The following NEGR1 variants were observed in gnomAD, a reference collection of about 807,000 sequenced individuals.
The protein encoded by NEGR1 is IgLON family member 4.
A neutral mutation model predicts 40.9 loss-of-function variants in NEGR1; 10 were observed. The ratio of observed to expected loss-of-function variants is 0.24; its 90% confidence interval spans 0.15 to 0.42. NEGR1 has a LOEUF of 0.42. NEGR1 is among the 10% of genes least tolerant of loss of function. NEGR1 has a pLI of 1.00. For synonymous variants in NEGR1, 185 were observed against 166.8 expected (o/e 1.11, Z -0.84); for missense variants, 352 against 438.9 (o/e 0.80, Z 1.77).
chr1:71,628,683 T>A (rs1357205437), intron 4 of NEGR1, among the ~76,000 whole-genome samples: 1 of 151,900 alleles, frequency 6.6e-6, no homozygotes, highest in Non-Finnish European at 1.5e-5. Flanking sequence ...TCTGTTCCTG[T>A]ATTAGTTTGC....
At chr1:71,652,843 G>A (rs986073123) in intron 4 of NEGR1, among the ~76,000 whole-genome samples, 9 of 152,032 alleles carry the variant, frequency 5.9e-5, no homozygotes, top group Admixed American at 5.9e-4. Context: ...CAGGCTGGGT[G>A]AGAGAGTGAG....
chr1:72,216,402 C>CATATATATATATACACATATAT (rs1653818642), intron 1 of NEGR1, among the ~76,000 whole-genome samples: 1 of 119,542 alleles, frequency 8.4e-6, no homozygotes, highest in African/African-American at 3.2e-5. Context: ...TATATATATA[C>CATATATATATATACACATATAT]ATATATATAT....
chr1:71,909,841 C>T (rs1353525476), intron 2 of NEGR1, among the ~76,000 whole-genome samples: 1 of 152,048 alleles, frequency 6.6e-6, no homozygotes, highest in African/African-American at 2.4e-5. Flanking sequence ...TTATTAACCA[C>T]AAAAGATAGC....
chr1:71,913,855 G>GAAAAAAAAA, intron 2 of NEGR1, among the ~76,000 whole-genome samples: 1 of 128,588 alleles, frequency 7.8e-6, no homozygotes. Context: ...TGAAGGAAAG[G>GAAAAAAAAA]AAAAAAAAAA....
chr1:71,554,564 C>T (rs1648191543), intron 6 of NEGR1, among the ~76,000 whole-genome samples: 1 of 151,350 alleles, frequency 6.6e-6, no homozygotes, highest in South Asian at 2.1e-4. Flanking sequence ...TGGGATTTCT[C>T]ACCCTCCTGC....
intron 6 of NEGR1, among the ~76,000 whole-genome samples, chr1:71,558,782 C>T (rs1648339556): frequency 6.9e-6 from 1 of 145,804 alleles, no homozygotes; most frequent in Admixed American, 6.9e-5. Context: ...GCTCTAGGCT[C>T]ATCTCGAAGT....
chr1:72,050,075 G>T (rs1267585953), intron 1 of NEGR1, among the ~76,000 whole-genome samples: 1 of 151,560 alleles, frequency 6.6e-6, no homozygotes, highest in Middle Eastern at 3.4e-3. Flanking sequence ...GTTTGATTCT[G>T]TTAAAGTCCA....
chr1:71,992,112 T>G lies in NEGR1; in HGVS notation c.177-56801A>C, dbSNP rs187398070. Among the ~76,000 whole-genome samples the G allele has an allele frequency of 4.3e-3, 649 of 152,186 alleles. 15 individuals carry two copies. Among genetic ancestry groups the G allele is most frequent in the Admixed American group, 0.036 (550 of 15,270 alleles). ...GCCCGGGCATGAGTTTACTATTAAA[T>G]ATATAACATCATAGTCTACTACCAA... On this transcript the variant is annotated intron_variant, in intron 1 of 6. Coordinates refer to ENST00000357731, the MANE Select transcript of NEGR1 (RefSeq NM_173808.3).
chr1:71,525,785 GTC>G (rs1376126178), intron 6 of NEGR1, among the ~76,000 whole-genome samples: 2 of 151,586 alleles, frequency 1.3e-5, no homozygotes, highest in Non-Finnish European at 3.0e-5. Context: ...ACATTTATAA[GTC>G]TGTTTTATGT....
intron 6 of NEGR1, among the ~76,000 whole-genome samples, chr1:71,581,910 C>T (rs980508510): frequency 2.0e-5 from 3 of 151,824 alleles, no homozygotes; most frequent in African/African-American, 7.3e-5. Flanking sequence ...TGCCATGTTG[C>T]CCAAGCTGGT....
In NEGR1 at chr1:72,282,335, C is replaced by T. The variant is rs1274338040; in HGVS notation, c.160G>A (p.Asp54Asn). The T allele has an allele frequency of 1.9e-6, 3 of 1,614,082 alleles. No homozygotes were observed. The highest frequency in any genetic ancestry group is 2.5e-6 in the Non-Finnish European group (3 of 1,179,994). ...TCTTCCTACCTAAGCACCGCCGTGTCCCCTTTTCTGACCATCATGTTGTCC... is the reference window on the plus strand; with the variant it reads ...TCTTCCTACCTAAGCACCGCCGTGTTCCCTTTTCTGACCATCATGTTGTCC... ...AVDNMMVRKG[D>N]TAVLRCYLED... Residue 54 changes from aspartate (D) to asparagine (N), a missense_variant, in exon 1 of 7, where the codon GAC becomes AAC. Asp to Asn is a conservative substitution (Grantham distance 23). Transcript: ENST00000357731.
intron 1 of NEGR1, among the ~76,000 whole-genome samples, chr1:72,272,403 CA>C (rs1655874361): frequency 6.6e-6 from 1 of 151,794 alleles, no homozygotes; most frequent in Admixed American, 6.6e-5. Flanking sequence ...ACTTTCAAAT[CA>C]AATATTATGT....
intron 1 of NEGR1, among the ~76,000 whole-genome samples, chr1:72,210,777 C>T (rs1022353872): frequency 2.6e-5 from 4 of 151,802 alleles, no homozygotes; most frequent in Non-Finnish European, 4.4e-5. Context: ...TCAAATCATA[C>T]ATGGTGAAAG....
chr1:71,851,297 T>G (rs1659592796), intron 2 of NEGR1, among the ~76,000 whole-genome samples: 1 of 152,160 alleles, frequency 6.6e-6, no homozygotes, highest in East Asian at 1.9e-4. Context: ...CCTAATATTT[T>G]ACAAATACAT....
chr1:71,694,337 G>C (rs1199192507), intron 4 of NEGR1, among the ~76,000 whole-genome samples: 1 of 151,276 alleles, frequency 6.6e-6, no homozygotes, highest in Non-Finnish European at 1.5e-5. Context: ...TTTAAAAAGT[G>C]GACAAGAAAT....
At chr1:72,009,671 A>G (rs1434957176) in intron 1 of NEGR1, among the ~76,000 whole-genome samples, 2 of 152,110 alleles carry the variant, frequency 1.3e-5, no homozygotes, top group Non-Finnish European at 2.9e-5. Flanking sequence ...CAGGATTTAC[A>G]GTTTTGTCTC....
intron 6 of NEGR1, among the ~76,000 whole-genome samples, chr1:71,580,667 A>G (rs924243968): frequency 6.6e-6 from 1 of 152,138 alleles, no homozygotes; most frequent in Non-Finnish European, 1.5e-5. Context: ...GTTATATAAG[A>G]GGATAAAGAA....
chr1:72,005,940 T>C (rs1646603219), intron 1 of NEGR1, among the ~76,000 whole-genome samples: 2 of 152,190 alleles, frequency 1.3e-5, no homozygotes, highest in Admixed American at 1.3e-4. Flanking sequence ...CCTTTTCTAA[T>C]ACAATTTTAC....
At chr1:71,782,554 A>T (rs1026426616) in intron 2 of NEGR1, among the ~76,000 whole-genome samples, 3 of 152,074 alleles carry the variant, frequency 2.0e-5, no homozygotes, top group African/African-American at 7.2e-5. Flanking sequence ...CTAAGTAGAG[A>T]CCTAGGGTAG....
Sources: allele counts gnomAD v4.1 joint callset (sites outside exome capture counted in the v4.1 genomes callset), GRCh38; gene constraint gnomAD v4.1.1; transcripts MANE v1.5; gene names NCBI Gene and HGNC (gene_info 2026-07-23, HGNC 2026-07-21).